KDM4C: variants seen among roughly 807,000 people sequenced by gnomAD.
KDM4C encodes the protein lysine demethylase 4C.
In KDM4C, 81 loss-of-function variants were observed where a neutral mutation model predicts 129.3. That is an observed-to-expected ratio of 0.63 (90% CI 0.52 to 0.75). The LOEUF (loss-of-function observed/expected upper bound fraction) is 0.75. KDM4C is among the 30% of genes least tolerant of loss of function. KDM4C has a pLI of 0.00. For missense variants in KDM4C, 1,457 were observed against 1,304.0 expected, an observed-to-expected ratio of 1.12 and a Z score of -1.81; for synonymous variants, 573 against 456.1, an observed-to-expected ratio of 1.26 and a Z score of -3.26.
At chr9:6,858,240 G>A (rs968864045) in intron 5 of KDM4C, among the ~76,000 whole-genome samples, 2 of 144,540 alleles carry the variant, frequency 1.4e-5, no homozygotes, top group East Asian at 2.1e-4. Context: ...TTTGTTATTA[G>A]CAATGTTCCA....
At chr9:6,777,416 A>G (rs1041791507) in intron 1 of KDM4C, among the ~76,000 whole-genome samples, 1 of 152,208 alleles carries the variant, frequency 6.6e-6, no homozygotes, top group Non-Finnish European at 1.5e-5. Context: ...AAGTCATGCA[A>G]AGAGTCTTCC....
intron 8 of KDM4C, among the ~76,000 whole-genome samples, chr9:6,908,026 AT>A: frequency 6.6e-6 from 1 of 152,204 alleles, no homozygotes; most frequent in Non-Finnish European, 1.5e-5. Context: ...TAAGGAATGG[AT>A]TTTCCTTATA....
chr9:6,959,628 G>C (rs1200750028), intron 8 of KDM4C, among the ~76,000 whole-genome samples: 1 of 152,124 alleles, frequency 6.6e-6, no homozygotes, highest in Non-Finnish European at 1.5e-5. Flanking sequence ...TTCAATTTAA[G>C]AGTTTATATT....
chr9:6,972,013 T>G (rs910672907), intron 8 of KDM4C, among the ~76,000 whole-genome samples: 2 of 152,058 alleles, frequency 1.3e-5, no homozygotes, highest in African/African-American at 4.8e-5. Flanking sequence ...CTTCACCGAG[T>G]GTAGGTTTTA....
Position 7,029,851 on chromosome 9 carries a change from T to C in KDM4C, c.2259+13922T>C, listed in dbSNP as rs139974084. On this transcript the variant is annotated intron_variant, in intron 15 of 21. Transcript: ENST00000381309. ...TCCCTTTTATGACTTTGACCAATCA[T>C]GAGTTGCCTGGAATCTGTACATGGC... 3.9e-5 allele frequency among the ~76,000 whole-genome samples: 6 copies of C among 152,314 alleles called. No homozygotes were observed. The East Asian group carries it at 7.7e-4, about 20-fold the overall frequency.
chr9:6,969,723 A>G (rs922432927), intron 8 of KDM4C, among the ~76,000 whole-genome samples: 12 of 152,314 alleles, frequency 7.9e-5, no homozygotes, highest in African/African-American at 2.4e-4. Context: ...GTTTTTATTT[A>G]AAATTTTTTT....
At chr9:6,975,549 C>T (rs1428034919) in intron 8 of KDM4C, among the ~76,000 whole-genome samples, 1 of 152,184 alleles carries the variant, frequency 6.6e-6, no homozygotes, top group East Asian at 1.9e-4. Context: ...TCCTCTGCGC[C>T]TGTCTCTGTT....
Position 6,893,189 on chromosome 9 carries a change from T to C in KDM4C, c.878T>C (p.Phe293Ser). The change falls in exon 8 of 22, where the codon TTT becomes TCT. Residue 293 changes from phenylalanine to serine, a missense_variant. Coordinates refer to ENST00000381309, the MANE Select transcript of KDM4C (RefSeq NM_015061.6). ...TTCAACTGTGCAGAATCTACAAATT[T>C]TGCTACTGTCAGATGGATTGACTAT... ...HGFNCAESTN[F>S]ATVRWIDYGK... 6.2e-7 allele frequency: 1 copy of C among 1,611,442 alleles called. No individual in the cohort carries two copies. The highest frequency in any genetic ancestry group is 8.5e-7 in the Non-Finnish European group (1 of 1,178,772).
At chr9:7,131,599 T>G (rs537574104) in intron 19 of KDM4C, among the ~76,000 whole-genome samples, 29 of 152,176 alleles carry the variant, frequency 1.9e-4, no homozygotes, top group Non-Finnish European at 2.6e-4. Context: ...ATTACAGGCA[T>G]GAGCCACGGT....
intron 17 of KDM4C, among the ~76,000 whole-genome samples, chr9:7,097,812 AT>A (rs1175950981): frequency 2.0e-5 from 3 of 151,974 alleles, no homozygotes; most frequent in Non-Finnish European, 4.4e-5. Context: ...TATCTTTTTC[AT>A]TTTTTCATCT....
At chr9:7,012,214 G>A (rs1028129921) in intron 13 of KDM4C, among the ~76,000 whole-genome samples, 5 of 152,114 alleles carry the variant, frequency 3.3e-5, no homozygotes, top group Non-Finnish European at 5.9e-5. Context: ...CTATAGGTGT[G>A]AGCCACCATA....
At chr9:6,863,444 T>A (rs183062440) in intron 5 of KDM4C, among the ~76,000 whole-genome samples, 3 of 152,194 alleles carry the variant, frequency 2.0e-5, no homozygotes, top group Admixed American at 2.0e-4. Context: ...GGGTCACATG[T>A]TGCTTCCATT....
At chr9:6,817,315 C>T (rs1193441928) in intron 4 of KDM4C, among the ~76,000 whole-genome samples, 1 of 151,210 alleles carries the variant, frequency 6.6e-6, no homozygotes, top group Non-Finnish European at 1.5e-5. Context: ...AGTCTTCCTG[C>T]CTCCACCTCC....
At chr9:6,784,038 A>G (rs1824939351) in intron 1 of KDM4C, among the ~76,000 whole-genome samples, 1 of 152,184 alleles carries the variant, frequency 6.6e-6, no homozygotes, top group Non-Finnish European at 1.5e-5. Context: ...GAAGAAGCTC[A>G]TGGAAGATAT....
At chr9:6,993,964 A>G (rs1819226910) in intron 12 of KDM4C, among the ~76,000 whole-genome samples, 1 of 138,832 alleles carries the variant, frequency 7.2e-6, no homozygotes, top group African/African-American at 2.5e-5. Flanking sequence ...TCAGACCATC[A>G]TTCCCCTGCC....
At position 6,758,995 on chromosome 9, in the gene KDM4C, C is replaced by G. The variant is rs542882664; in HGVS notation, c.-18+792C>G. Among the ~76,000 whole-genome samples, 3 of 151,674 alleles carry G rather than the reference C, an allele frequency of 2.0e-5. No individual in the cohort carries two copies. Among genetic ancestry groups the G allele is most frequent in the Admixed American group, 6.6e-5 (1 of 15,166 alleles). Reference sequence around the variant, plus strand: ...TCCGCGTGGACTTGATGCTGGGCTCCCCCTTTGCTGCGCGGTGCAAGCCTG... The same window carrying G: ...TCCGCGTGGACTTGATGCTGGGCTCGCCCTTTGCTGCGCGGTGCAAGCCTG... On this transcript the variant is annotated intron_variant, in intron 1 of 21. Transcript: ENST00000381309. This position sits in a 1 kb window ranked among gnomAD's most constrained non-coding sequence, Gnocchi z 4.6.
intron 4 of KDM4C, among the ~76,000 whole-genome samples, chr9:6,836,490 A>G (rs954155079): frequency 2.6e-5 from 4 of 152,248 alleles, no homozygotes; most frequent in Admixed American, 1.3e-4. Flanking sequence ...CATGCAGTCA[A>G]CAACTACAAC....
At chr9:6,866,288 C>CT (rs2130567258) in intron 5 of KDM4C, among the ~76,000 whole-genome samples, 1 of 151,456 alleles carries the variant, frequency 6.6e-6, no homozygotes, top group East Asian at 1.9e-4. Flanking sequence ...TCTTTCTTTT[C>CT]TTTTCTTTTT....
chr9:6,785,767 G>T (rs1387878449), intron 1 of KDM4C, among the ~76,000 whole-genome samples: 1 of 152,198 alleles, frequency 6.6e-6, no homozygotes, highest in East Asian at 1.9e-4. Context: ...AGGTGTTGGG[G>T]GTTAGGTTTC....
Sources: allele counts gnomAD v4.1 joint callset (sites outside exome capture counted in the v4.1 genomes callset), GRCh38; gene constraint gnomAD v4.1.1; non-coding constraint Gnocchi (gnomAD v3.1); transcripts MANE v1.5; gene names NCBI Gene and HGNC (gene_info 2026-07-23, HGNC 2026-07-21).